The following AGO4 variants were observed in gnomAD, a reference collection of about 807,000 sequenced individuals.
AGO4 encodes the protein protein argonaute-4.
In AGO4, 33 loss-of-function variants were observed where a neutral mutation model predicts 104.7. That is an observed-to-expected ratio of 0.32 (90% CI 0.24 to 0.42). The LOEUF (loss-of-function observed/expected upper bound fraction) is 0.42. AGO4 is among the 10% of genes least tolerant of loss of function. The pLI, the probability that AGO4 is intolerant of heterozygous loss-of-function variation, is 1.00. For missense variants in AGO4, 711 were observed against 1,083.4 expected (o/e 0.66, Z 4.83); for synonymous variants, 331 against 364.7 (o/e 0.91, Z 1.05).
In AGO4 at chr1:35,831,827, G is replaced by A. The variant is rs1269552434; in HGVS notation, c.1012G>A (p.Ala338Thr). 2 of 1,613,896 alleles carry A rather than the reference G, an allele frequency of 1.2e-6. No homozygotes were observed. The change falls in exon 9 of 18, where the codon GCA becomes ACA. Residue 338 changes from alanine to threonine, a missense_variant. Ala to Thr is a moderately conservative substitution (Grantham distance 58, BLOSUM62 0). This residue lies in a region of AGO4 where 401 missense variants were observed against 665.5 expected (regional missense o/e 0.60). Coordinates refer to ENST00000373210, the MANE Select transcript of AGO4 (RefSeq NM_017629.4). ...YLPLEVCNIVAGQRCIKKLTD... is the reference protein window; with the variant it reads ...YLPLEVCNIVTGQRCIKKLTD... ...CTCTTGGCAGGTCTGTAATATAGTG[G>A]CAGGACAGCGATGTATCAAGAAGCT...
chr1:35,838,338 G>A (rs1335013378), intron 13 of AGO4, among the ~76,000 whole-genome samples: 2 of 152,120 alleles, frequency 1.3e-5, no homozygotes, highest in Admixed American at 6.5e-5. Context: ...TTATAGGCAT[G>A]AGCCACTATG....
chr1:35,819,322 G>A (rs1461009596), intron 2 of AGO4, among the ~76,000 whole-genome samples: 1 of 151,708 alleles, frequency 6.6e-6, no homozygotes, highest in East Asian at 1.9e-4. Context: ...GAGATCGGCT[G>A]TGGTAGCTCG....
intron 3 of AGO4, 126 bp downstream of exon 3, chr1:35,823,108 C>G: frequency 8.7e-7 from 1 of 1,143,694 alleles, no homozygotes; most frequent in South Asian, 1.6e-5. Flanking sequence ...CCTAATTAAC[C>G]TGATTTCATT....
At chr1:35,852,646 G>T (rs530652450) in intron 17 of AGO4, among the ~76,000 whole-genome samples, 2 of 152,192 alleles carry the variant, frequency 1.3e-5, no homozygotes, top group African/African-American at 4.8e-5. Flanking sequence ...GGTGAGCAAG[G>T]TGGACAAAAT....
At chr1:35,840,457 C>T (rs573530715) in intron 13 of AGO4, among the ~76,000 whole-genome samples, 57 of 152,056 alleles carry the variant, frequency 3.7e-4, no homozygotes, top group Non-Finnish European at 4.1e-4. Flanking sequence ...TCACCATGCC[C>T]GGCCTTAATT....
intron 15 of AGO4, among the ~76,000 whole-genome samples, chr1:35,842,185 A>ACAGTCTGTGTAC (rs1553148934): frequency 6.6e-6 from 1 of 152,168 alleles, no homozygotes; most frequent in Non-Finnish European, 1.5e-5. Flanking sequence ...TGGACTGGTA[A>ACAGTCTGTGTAC]CAGTCTGTGG....
intron 2 of AGO4, 65 bp downstream of exon 2, chr1:35,817,112 T>C: frequency 1.4e-6 from 2 of 1,444,340 alleles, no homozygotes; most frequent in South Asian, 1.4e-5. Flanking sequence ...TGTATCATAT[T>C]GTTCTCTAAA....
intron 3 of AGO4, among the ~76,000 whole-genome samples, chr1:35,823,817 C>T (rs911323578): frequency 2.0e-5 from 3 of 149,678 alleles, no homozygotes; most frequent in Admixed American, 6.7e-5. Flanking sequence ...CTCCTGACCC[C>T]AGGTGATCCA....
intron 2 of AGO4, among the ~76,000 whole-genome samples, chr1:35,817,668 C>T (rs879195360): frequency 6.6e-6 from 1 of 152,164 alleles, no homozygotes; most frequent in Admixed American, 6.5e-5. Context: ...TTTGTTTTCT[C>T]TGTTTCTATG....
chr1:35,827,177 G>A (rs1315871185), intron 7 of AGO4, among the ~76,000 whole-genome samples: 1 of 151,370 alleles, frequency 6.6e-6, no homozygotes, highest in Non-Finnish European at 1.5e-5. Flanking sequence ...CTCCAGCCTG[G>A]GCAACAGAGC....
chr1:35,823,628 TA>T (rs1643936498), intron 3 of AGO4, among the ~76,000 whole-genome samples: 1 of 151,964 alleles, frequency 6.6e-6, no homozygotes, highest in South Asian at 2.1e-4. Flanking sequence ...GGGGTTTCAC[TA>T]TATGTTGGCC....
intron 2 of AGO4, among the ~76,000 whole-genome samples, chr1:35,818,116 G>A (rs1490322644): frequency 6.6e-6 from 1 of 152,096 alleles, no homozygotes; most frequent in Non-Finnish European, 1.5e-5. Context: ...ATAGGAAATG[G>A]GGATAGGATG....
At position 35,857,758 on chromosome 1, in the gene AGO4, G is replaced by A. The variant is rs1461915391; in HGVS notation, c.*4153G>A. ...TTTATAAAAACAGTTTCCTCAGTAT[G>A]AGAAATTTTACAAAGAACAGTGGAA... On this transcript the variant is annotated 3_prime_UTR_variant, in exon 18 of 18. Transcript: ENST00000373210. The A allele has an allele frequency of 3.9e-5, 6 of 152,166 alleles. No individual in the cohort carries two copies. Among genetic ancestry groups the A allele is most frequent in the Non-Finnish European group, 8.8e-5 (6 of 68,030 alleles). 9.4% of individuals were successfully genotyped at this position (152,166 alleles called of 1,614,324 possible).
intron 1 of AGO4, among the ~76,000 whole-genome samples, chr1:35,812,111 T>C (rs1454956570): frequency 6.6e-6 from 1 of 151,628 alleles, no homozygotes; most frequent in Non-Finnish European, 1.5e-5. Context: ...ATTAAGTAGA[T>C]AGCTGGCTAA....
chr1:35,857,769 C>G lies in AGO4; in HGVS notation c.*4164C>G, dbSNP rs990048240. The G allele has an allele frequency of 2.6e-5, 4 of 152,156 alleles. No homozygotes were observed. The highest frequency in any genetic ancestry group is 9.7e-5 in the African/African-American group (4 of 41,428). 9.4% of individuals were successfully genotyped at this position (152,156 alleles called of 1,614,324 possible). A position where few individuals can be genotyped will look rare whatever the true frequency, so the allele number is the denominator to read the frequency against. On this transcript the variant is annotated 3_prime_UTR_variant, in exon 18 of 18. Coordinates refer to ENST00000373210, the MANE Select transcript of AGO4 (RefSeq NM_017629.4). ...AGTTTCCTCAGTATGAGAAATTTTACAAAGAACAGTGGAAAAACTTTGTGT... is the reference window on the plus strand; with the variant it reads ...AGTTTCCTCAGTATGAGAAATTTTAGAAAGAACAGTGGAAAAACTTTGTGT...
chr1:35,829,935 G>A (rs1009863414), intron 7 of AGO4, among the ~76,000 whole-genome samples: 3 of 150,416 alleles, frequency 2.0e-5, no homozygotes, highest in African/African-American at 7.3e-5. Flanking sequence ...TGAGGAAAGA[G>A]GATTCCTTGA....
intron 13 of AGO4, among the ~76,000 whole-genome samples, chr1:35,840,301 C>T (rs1443081836): frequency 6.6e-6 from 1 of 151,998 alleles, no homozygotes; most frequent in African/African-American, 2.4e-5. Flanking sequence ...GCTGGGATTA[C>T]AGGCACACAC....
chr1:35,833,015 T>C (rs1644223193), intron 11 of AGO4, among the ~76,000 whole-genome samples: 1 of 152,214 alleles, frequency 6.6e-6, no homozygotes, highest in Admixed American at 6.5e-5. Flanking sequence ...GCTCAGTGGC[T>C]CACACCTGTA....
At chr1:35,818,021 C>G (rs1269979645) in intron 2 of AGO4, among the ~76,000 whole-genome samples, 2 of 151,662 alleles carry the variant, frequency 1.3e-5, no homozygotes, top group Non-Finnish European at 2.9e-5. Context: ...TGGGGAAGAC[C>G]AACAATAAAT....
Sources: allele counts gnomAD v4.1 joint callset (sites outside exome capture counted in the v4.1 genomes callset), GRCh38; gene constraint gnomAD v4.1.1; regional missense constraint gnomAD v4.1.1; transcripts MANE v1.5; gene names NCBI Gene and HGNC (gene_info 2026-07-23, HGNC 2026-07-21).